Variants in TRAF3IP1 observed in about 807,000 individuals in gnomAD.
TRAF3IP1 encodes TRAF3-interacting protein 1.
A neutral mutation model predicts 89.9 loss-of-function variants in TRAF3IP1; 53 were observed. The observed-to-expected ratio is 0.59, with a 90% CI of 0.47 to 0.74. The LOEUF (loss-of-function observed/expected upper bound fraction) is 0.74. Ranked by LOEUF, TRAF3IP1 falls within the 30% of genes least tolerant of loss-of-function variation. The pLI is 0.00. For synonymous variants in TRAF3IP1, 311 were observed against 322.1 expected (o/e 0.97, Z 0.37); for missense variants, 806 against 866.1 (o/e 0.93, Z 0.87).
chr2:238,350,779 A>G lies in TRAF3IP1; in HGVS notation c.1451+1371A>G, dbSNP rs570034163. Among the ~76,000 whole-genome samples the G allele has an allele frequency of 2.6e-5, 4 of 152,168 alleles. No homozygotes were observed. In the East Asian group the frequency reaches 7.7e-4, roughly 29 times the overall value. Reference sequence around the variant, plus strand: ...GGACTTGGGCGTAAAGAGACAGAAGATGGTGTGGCGGGGCCTGTTCTGCAG... The same window carrying G: ...GGACTTGGGCGTAAAGAGACAGAAGGTGGTGTGGCGGGGCCTGTTCTGCAG... On this transcript the variant is annotated intron_variant, in intron 12 of 16. Transcript: ENST00000373327.
chr2:238,331,198 C>T (rs1311135097), intron 5 of TRAF3IP1, among the ~76,000 whole-genome samples: 2 of 151,120 alleles, frequency 1.3e-5, no homozygotes, highest in Non-Finnish European at 2.9e-5. Flanking sequence ...TGGTGGCTCA[C>T]GCTTGTAATC....
intron 15 of TRAF3IP1, among the ~76,000 whole-genome samples, chr2:238,362,725 C>T (rs1243340325): frequency 2.0e-5 from 3 of 152,266 alleles, no homozygotes; most frequent in Non-Finnish European, 4.4e-5. Flanking sequence ...ATCAGGAATT[C>T]CATTATCACA....
intron 15 of TRAF3IP1, among the ~76,000 whole-genome samples, chr2:238,396,485 A>T (rs1328101568): frequency 6.6e-6 from 1 of 151,818 alleles, no homozygotes; most frequent in African/African-American, 2.4e-5. Flanking sequence ...CATATGTAAC[A>T]AACCTGCACA....
intron 15 of TRAF3IP1, among the ~76,000 whole-genome samples, chr2:238,356,333 C>T (rs1272225017): frequency 6.6e-6 from 1 of 152,094 alleles, no homozygotes; most frequent in Non-Finnish European, 1.5e-5. Flanking sequence ...CCTGTCTTTA[C>T]AAAAAATACA....
At chr2:238,324,445 C>T (rs1191231093) in intron 1 of TRAF3IP1, among the ~76,000 whole-genome samples, 2 of 152,126 alleles carry the variant, frequency 1.3e-5, no homozygotes. Context: ...CCAGGTCCTC[C>T]TCGTGGTCCT....
At chr2:238,353,044 T>A in intron 13 of TRAF3IP1, 94 bp downstream of exon 13, 1 of 1,526,278 alleles carries the variant, frequency 6.6e-7, no homozygotes, top group East Asian at 2.3e-5. Context: ...GACAAAAATG[T>A]CCTGTAATTT....
chr2:238,338,306 A>G, intron 7 of TRAF3IP1, 56 bp from the exon 8 acceptor site: 2 of 1,139,642 alleles, frequency 1.8e-6, no homozygotes, highest in Non-Finnish European at 2.5e-6. Flanking sequence ...AGCTAAAACA[A>G]CCAAACACAA....
chr2:238,374,403 G>A (rs1425374433), intron 15 of TRAF3IP1, among the ~76,000 whole-genome samples: 2 of 152,026 alleles, frequency 1.3e-5, no homozygotes. Flanking sequence ...GTTTTTGTCG[G>A]TTCTGTTTAT....
At chr2:238,338,521 A>T in intron 8 of TRAF3IP1, 64 bp downstream of exon 8, 1 of 890,434 alleles carries the variant, frequency 1.1e-6, no homozygotes, top group Non-Finnish European at 1.7e-6. Flanking sequence ...TTATATCTCA[A>T]TGTAGTTATA....
chr2:238,363,945 G>T (rs1361729336), intron 15 of TRAF3IP1, among the ~76,000 whole-genome samples: 5 of 152,090 alleles, frequency 3.3e-5, no homozygotes, highest in African/African-American at 1.2e-4. Flanking sequence ...GGGCAACAGA[G>T]CGAGACTCTG....
At chr2:238,331,856 C>T (rs903122272) in intron 5 of TRAF3IP1, among the ~76,000 whole-genome samples, 3 of 152,232 alleles carry the variant, frequency 2.0e-5, no homozygotes, top group Non-Finnish European at 4.4e-5. Context: ...GTTCTAACCC[C>T]GGTTCTGCCT....
intron 9 of TRAF3IP1, among the ~76,000 whole-genome samples, chr2:238,346,117 C>T (rs1219001573): frequency 1.3e-5 from 2 of 152,100 alleles, no homozygotes; most frequent in Non-Finnish European, 2.9e-5. Flanking sequence ...CTGCCTGCCC[C>T]CAGGTCGCAC....
intron 12 of TRAF3IP1, 90 bp downstream of exon 12, chr2:238,349,498 G>A: frequency 7.6e-7 from 1 of 1,320,726 alleles, no homozygotes; most frequent in Non-Finnish European, 1.1e-6. Context: ...GAGGGAAGCA[G>A]CACATGGTGC....
chr2:238,398,268 A>C (rs191389388), intron 16 of TRAF3IP1, among the ~76,000 whole-genome samples: 1,047 of 95,044 alleles, frequency 0.011, 35 homozygotes, highest in African/African-American at 0.043. Context: ...GCAGGAGCAC[A>C]GGTAGGGGAT....
intron 6 of TRAF3IP1, among the ~76,000 whole-genome samples, 166 bp downstream of exon 6, chr2:238,333,061 T>C (rs1346233214): frequency 6.6e-6 from 1 of 152,218 alleles, no homozygotes; most frequent in Non-Finnish European, 1.5e-5. Flanking sequence ...AGTTAAATGC[T>C]TTACCTCCTG....
intron 15 of TRAF3IP1, among the ~76,000 whole-genome samples, chr2:238,377,486 C>G (rs1010813469): frequency 1.3e-5 from 2 of 151,996 alleles, no homozygotes; most frequent in African/African-American, 2.4e-5. Flanking sequence ...TGAGATGATT[C>G]TATTATATTC....
rs938268659 is a variant in TRAF3IP1 at position 238,399,691 on chromosome 2, C to T, written c.*772C>T. The T allele has an allele frequency of 1.3e-5, 2 of 152,116 alleles. No individual in the cohort carries two copies. The highest frequency in any genetic ancestry group is 4.8e-5 in the African/African-American group (2 of 41,424). 9.4% of individuals were successfully genotyped at this position (152,116 alleles called of 1,614,324 possible). On this transcript the variant is annotated 3_prime_UTR_variant, in exon 17 of 17. Coordinates refer to ENST00000373327, the MANE Select transcript of TRAF3IP1 (RefSeq NM_015650.4). ...AGAGGCTAGCGCAGCCCCCCGGAGT[C>T]CTTGTTCTCCTTAAGAGGGTCTCGC...
intron 15 of TRAF3IP1, among the ~76,000 whole-genome samples, chr2:238,376,872 G>A (rs1038932768): frequency 3.9e-5 from 6 of 152,232 alleles, no homozygotes; most frequent in Admixed American, 3.3e-4. Context: ...AGGGCACGGT[G>A]TGCAGGCTCT....
In TRAF3IP1 at chr2:238,399,138, T is replaced by C. The variant is rs1033433446; in HGVS notation, c.*219T>C. 4.4e-6 allele frequency: 2 copies of C among 459,408 alleles called. No individual in the cohort carries two copies. The highest frequency in any genetic ancestry group is 4.1e-5 in the Admixed American group (1 of 24,678). The allele number at this position is 459,408 out of a possible 1,614,324, so 28.5% of individuals were successfully genotyped here. A position where few individuals can be genotyped will look rare whatever the true frequency, so the allele number is the denominator to read the frequency against. ...TTCCAGATGGAATACTGGCTAGTTA[T>C]AAATAGCGCTTCCAAACACCTCTGT... On this transcript the variant is annotated 3_prime_UTR_variant, in exon 17 of 17. Coordinates refer to ENST00000373327, the MANE Select transcript of TRAF3IP1 (RefSeq NM_015650.4).
Sources: gnomAD v4.1 joint callset for allele counts (sites outside exome capture counted in the v4.1 genomes callset) on GRCh38, gnomAD v4.1.1 for gene constraint, MANE v1.5 for transcripts, NCBI Gene and HGNC (gene_info 2026-07-23, HGNC 2026-07-21) for gene names.